Variants in CD37 observed in about 807,000 individuals in gnomAD.
CD37 encodes the protein leukocyte antigen CD37.
Under a neutral mutation model 38.9 loss-of-function variants are expected in CD37, and 37 were observed. That is an observed-to-expected ratio of 0.95 (90% CI 0.73 to 1.25). The LOEUF (loss-of-function observed/expected upper bound fraction) is 1.25, where lower values mean the gene tolerates loss of function less well. Ranked by LOEUF, CD37 falls within the 50% of genes most tolerant of loss-of-function variation. The pLI is 0.00. For missense variants in CD37, 351 were observed against 360.1 expected (o/e 0.97, Z 0.20); for synonymous variants, 146 against 150.1 (o/e 0.97, Z 0.20).
Position 49,339,320 on chromosome 19 carries a change from C to T in CD37, c.685-10C>T, listed in dbSNP as rs1011347072. 1 of 1,612,066 alleles carries T rather than the reference C, an allele frequency of 6.2e-7. No individual in the cohort carries two copies. The highest frequency in any genetic ancestry group is 1.3e-5 in the African/African-American group (1 of 74,834). Reference sequence around the variant, plus strand: ...AAAGAATCCCTTTAACTTTTCCCTACACCCCCCAGGGCTGCGCGCAGGGCC... The same window carrying T: ...AAAGAATCCCTTTAACTTTTCCCTATACCCCCCAGGGCTGCGCGCAGGGCC... On this transcript the variant is annotated splice_polypyrimidine_tract_variant and intron_variant, in intron 6 of 7. Transcript: ENST00000323906. This position sits in a 1 kb window ranked among gnomAD's most constrained non-coding sequence, Gnocchi z 4.5.
In CD37 at chr19:49,339,569, G is replaced by T; in HGVS notation, c.768+156G>T. 1 of 1,456,286 alleles carries T rather than the reference G, an allele frequency of 6.9e-7. No homozygotes were observed. 90.2% of individuals were successfully genotyped at this position (1,456,286 alleles called of 1,614,324 possible). A position where few individuals can be genotyped will look rare whatever the true frequency, so the allele number is the denominator to read the frequency against. ...CGCTCCACCCAGCACCGGAGGGTGG[G>T]GGCGGCCCAGCTTCAGGGAGCCCTG... On this transcript the variant is annotated intron_variant, in intron 7 of 7. Transcript: ENST00000323906. The surrounding 1 kb of genome is among the most constrained non-coding windows in gnomAD (Gnocchi z 4.5).
In CD37 at chr19:49,337,985, G is replaced by C; in HGVS notation, c.403G>C (p.Glu135Gln). 1 of 1,614,048 alleles carries C rather than the reference G, an allele frequency of 6.2e-7. No individual in the cohort carries two copies. Among genetic ancestry groups the C allele is most frequent in the Non-Finnish European group, 8.5e-7 (1 of 1,179,976 alleles). The change falls in exon 5 of 8, where the codon GAG becomes CAG. Residue 135 changes from glutamate (E) to glutamine (Q), a missense_variant. Physicochemically the swap from Glu to Gln is conservative, Grantham distance 29. Coordinates refer to ENST00000323906, the MANE Select transcript of CD37 (RefSeq NM_001774.3). ...CATCCAAAAGTACGGCACCAACCCCGAGGAGACCGCGGCCGAGGAGAGCTG... is the reference window on the plus strand; with the variant it reads ...CATCCAAAAGTACGGCACCAACCCCCAGGAGACCGCGGCCGAGGAGAGCTG... Reference protein sequence around the residue: ...KTIQKYGTNPEETAAEESWDY... With the variant: ...KTIQKYGTNPQETAAEESWDY...
chr19:49,337,019 T>G lies in CD37; in HGVS notation c.253T>G (p.Cys85Gly). 6.2e-7 allele frequency: 1 copy of G among 1,613,466 alleles called. No homozygotes were observed. Among genetic ancestry groups the G allele is most frequent in the Non-Finnish European group, 8.5e-7 (1 of 1,179,582 alleles). ...TGTGGGGGCCCTCAAGGAGCTCCGC[T>G]GCCTCCTGGGCCTGGTGAGTGCACC... Reference protein sequence around the residue: ...GCVGALKELRCLLGLYFGMLL... With the variant: ...GCVGALKELRGLLGLYFGMLL... Residue 85 changes from cysteine to glycine, a missense_variant, in exon 3 of 8, where the codon TGC becomes GGC. Cys to Gly is a radical substitution (Grantham distance 159). Coordinates refer to ENST00000323906, the MANE Select transcript of CD37 (RefSeq NM_001774.3).
rs982565662 is a variant in CD37 at position 49,335,441 on chromosome 19, C to A, written c.-100C>A. 1 of 874,864 alleles carries A rather than the reference C, an allele frequency of 1.1e-6. No individual in the cohort carries two copies. The highest frequency in any genetic ancestry group is 1.4e-5 in the South Asian group (1 of 69,640). The allele number at this position is 874,864 out of a possible 1,614,324, so 54.2% of individuals were successfully genotyped here. A position where few individuals can be genotyped will look rare whatever the true frequency, so the allele number is the denominator to read the frequency against. ...GTTCTTCCTTTCTCTCTCAGCTCTCCGTCTCTCTTTCTCTCTCAGCCTCTT... is the reference window on the plus strand; with the variant it reads ...GTTCTTCCTTTCTCTCTCAGCTCTCAGTCTCTCTTTCTCTCTCAGCCTCTT... On this transcript the variant is annotated 5_prime_UTR_variant, in exon 1 of 8. Transcript: ENST00000323906. This position sits in a 1 kb window ranked among gnomAD's most constrained non-coding sequence, Gnocchi z 4.6.
rs116282919 is a variant in CD37 at position 49,338,159 on chromosome 19, C to T, written c.447+130C>T. ...AACACACCCCAATCCCTCCCAGGCC[C>T]GACGCTCCCCACTCCCCAGATGACA... On this transcript the variant is annotated intron_variant, in intron 5 of 7. Coordinates refer to ENST00000323906, the MANE Select transcript of CD37 (RefSeq NM_001774.3). The surrounding 1 kb of genome is among the most constrained non-coding windows in gnomAD (Gnocchi z 5.0). The T allele has an allele frequency of 5.1e-3, 7,411 of 1,457,850 alleles. 159 individuals are homozygous for T. In the African/African-American group the frequency reaches 0.058, roughly 11 times the overall value. The allele number at this position is 1,457,850 out of a possible 1,614,324, so 90.3% of individuals were successfully genotyped here.
chr19:49,339,956 T>C lies in CD37; in HGVS notation c.769-295T>C, dbSNP rs1568552438. 1 of 1,401,692 alleles carries C rather than the reference T, an allele frequency of 7.1e-7. No individual in the cohort carries two copies. Among genetic ancestry groups the C allele is most frequent in the Non-Finnish European group, 9.3e-7 (1 of 1,078,140 alleles). The allele number at this position is 1,401,692 out of a possible 1,614,324, so 86.8% of individuals were successfully genotyped here. A position where few individuals can be genotyped will look rare whatever the true frequency, so the allele number is the denominator to read the frequency against. ...GGCGCAGAATTAGAGGAGGCACAAT[T>C]AGAGGCTGAGGCAGAGGGGGAAGAC... is the stretch of plus-strand genomic sequence containing the variant. On this transcript the variant is annotated intron_variant, in intron 7 of 7. Coordinates refer to ENST00000323906, the MANE Select transcript of CD37 (RefSeq NM_001774.3). This position sits in a 1 kb window ranked among gnomAD's most constrained non-coding sequence, Gnocchi z 4.5.
At position 49,338,242 on chromosome 19, in the gene CD37, A is replaced by T. The variant is rs895452025; in HGVS notation, c.447+213A>T. On this transcript the variant is annotated intron_variant, in intron 5 of 7. Transcript: ENST00000323906. This position sits in a 1 kb window ranked among gnomAD's most constrained non-coding sequence, Gnocchi z 5.0. Reference sequence around the variant, plus strand: ...ACCCAGACCCTGGCGTGGCTTCGCCATCTACCTCGAGAGACTCCGCCCCCG... The same window carrying T: ...ACCCAGACCCTGGCGTGGCTTCGCCTTCTACCTCGAGAGACTCCGCCCCCG... 1 of 1,351,660 alleles carries T rather than the reference A, an allele frequency of 7.4e-7. No homozygotes were observed. The highest frequency in any genetic ancestry group is 9.6e-7 in the Non-Finnish European group (1 of 1,040,416). 83.7% of individuals were successfully genotyped at this position (1,351,660 alleles called of 1,614,324 possible). A position where few individuals can be genotyped will look rare whatever the true frequency, so the allele number is the denominator to read the frequency against.
At position 49,335,953 on chromosome 19, in the gene CD37, T is replaced by C. The variant is rs765037777; in HGVS notation, c.142+167T>C. ...GGAGCCTGAGTCTTCTTCCGGCAAATGGGGTTGTGCATACAAACAACAATG... is the reference window on the plus strand; with the variant it reads ...GGAGCCTGAGTCTTCTTCCGGCAAACGGGGTTGTGCATACAAACAACAATG... On this transcript the variant is annotated intron_variant, in intron 2 of 7. Transcript: ENST00000323906. This position sits in a 1 kb window ranked among gnomAD's most constrained non-coding sequence, Gnocchi z 4.6. 2.0e-5 allele frequency: 13 copies of C among 652,724 alleles called. No individual in the cohort carries two copies. Among genetic ancestry groups the C allele is most frequent in the African/African-American group, 3.6e-5 (2 of 55,196 alleles). The allele number at this position is 652,724 out of a possible 1,614,324, so 40.4% of individuals were successfully genotyped here.
In CD37 at chr19:49,335,822, CA is replaced by C; in HGVS notation, c.142+38del. 6.5e-7 allele frequency: 1 copy of C among 1,530,054 alleles called. No individual in the cohort carries two copies. Among genetic ancestry groups the C allele is most frequent in the South Asian group, 1.1e-5 (1 of 89,332 alleles). 94.8% of individuals were successfully genotyped at this position (1,530,054 alleles called of 1,614,324 possible). A position where few individuals can be genotyped will look rare whatever the true frequency, so the allele number is the denominator to read the frequency against. On this transcript the variant is annotated intron_variant, in intron 2 of 7. Transcript: ENST00000323906. This position sits in a 1 kb window ranked among gnomAD's most constrained non-coding sequence, Gnocchi z 4.6. ...CTGGGGCAGGTGGGAGGGCCTCCCC[CA>C]ACCCAAGCAACTTCCTGGGGTCTCC... is the stretch of plus-strand genomic sequence containing the variant.
At position 49,335,634 on chromosome 19, in the gene CD37, C is replaced by A. The variant is rs354020; in HGVS notation, c.69+25C>A. 1,220,564 of 1,611,630 alleles carry A rather than the reference C, an allele frequency of 0.76. 463,954 individuals carry two copies. Among genetic ancestry groups the A allele is most frequent in the Admixed American group, 0.84 (50,422 of 60,008 alleles). On this transcript the variant is annotated intron_variant, in intron 1 of 7. Coordinates refer to ENST00000323906, the MANE Select transcript of CD37 (RefSeq NM_001774.3). This position sits in a 1 kb window ranked among gnomAD's most constrained non-coding sequence, Gnocchi z 4.6. ...CGTGAGTTGCCTCATGGCTACCCAG[C>A]CGGGGCCCAGCCCCTGCCGCTAACC...
Position 49,338,841 on chromosome 19 carries a change from A to G in CD37, c.589A>G (p.Ile197Val). The G allele has an allele frequency of 6.2e-7, 1 of 1,614,104 alleles. No homozygotes were observed. The highest frequency in any genetic ancestry group is 1.1e-5 in the South Asian group (1 of 91,084). ...TNDSTILDKVILPQLSRLGHL... is the reference protein window; with the variant it reads ...TNDSTILDKVVLPQLSRLGHL... ...CGACTCCACAATCCTAGATAAGGTGATCTTGCCCCAGCTCAGCAGGCTTGG... is the reference window on the plus strand; with the variant it reads ...CGACTCCACAATCCTAGATAAGGTGGTCTTGCCCCAGCTCAGCAGGCTTGG... The change falls in exon 6 of 8, where the codon ATC becomes GTC. Residue 197 changes from isoleucine (I) to valine (V), a missense_variant. By Grantham distance (29) the Ile-to-Val change is conservative. Transcript: ENST00000323906. The surrounding 1 kb of genome is among the most constrained non-coding windows in gnomAD (Gnocchi z 5.0).
In CD37 at chr19:49,335,773, C is replaced by T. The variant is rs752332036; in HGVS notation, c.129C>T (p.Phe43=). 4 of 1,585,758 alleles carry T rather than the reference C, an allele frequency of 2.5e-6. No homozygotes were observed. Among genetic ancestry groups the T allele is most frequent in the South Asian group, 1.1e-5 (1 of 90,486 alleles). The change falls in exon 2 of 8, where the codon TTC becomes TTT. Residue 43 remains phenylalanine (F), a synonymous_variant. Transcript: ENST00000323906. This position sits in a 1 kb window ranked among gnomAD's most constrained non-coding sequence, Gnocchi z 4.6. ...GGATCCTCATTGACAAGACCAGCTT[C>T]GTGTCCTTTGTGGGTGAGGGGGGCT... is the stretch of plus-strand genomic sequence containing the variant. ...GIWILIDKTS[F]VSFVGLAFVP... is the part of the protein sequence containing the mutation.
rs1971038403 is a variant in CD37, at chr19:49,338,295, C to T, written c.447+266C>T. On this transcript the variant is annotated intron_variant, in intron 5 of 7. Coordinates refer to ENST00000323906, the MANE Select transcript of CD37 (RefSeq NM_001774.3). This position sits in a 1 kb window ranked among gnomAD's most constrained non-coding sequence, Gnocchi z 5.0. ...CCCGCCCCGACCAGAGGTTGTCAGG[C>T]CCCTAGTCCCAAGACCCTAGCGAGA... The T allele has an allele frequency of 2.1e-6, 2 of 940,610 alleles. No individual in the cohort carries two copies. Among genetic ancestry groups the T allele is most frequent in the South Asian group, 1.9e-5 (1 of 52,660 alleles). The allele number at this position is 940,610 out of a possible 1,614,324, so 58.3% of individuals were successfully genotyped here. A position where few individuals can be genotyped will look rare whatever the true frequency, so the allele number is the denominator to read the frequency against.
intron 4 of CD37, 77 bp from the exon 5 acceptor site, chr19:49,337,848 C>A: frequency 6.2e-7 from 1 of 1,603,346 alleles, no homozygotes; most frequent in Non-Finnish European, 8.5e-7. Context: ...ACAGGGCCCG[C>A]CTGAGGCTGG....
rs1971093548 is a variant in CD37, at chr19:49,339,231, A to T, written c.685-99A>T. 9.7e-7 allele frequency: 1 copy of T among 1,032,424 alleles called. No individual in the cohort carries two copies. The highest frequency in any genetic ancestry group is 1.6e-5 in the African/African-American group (1 of 63,066). The allele number at this position is 1,032,424 out of a possible 1,614,324, so 64.0% of individuals were successfully genotyped here. A position where few individuals can be genotyped will look rare whatever the true frequency, so the allele number is the denominator to read the frequency against. ...TGCCCTGGTGACTAGGGGAGCGGGT[A>T]GATGCCTGAAGACGGTGAGGGTTGG... On this transcript the variant is annotated intron_variant, in intron 6 of 7. Transcript: ENST00000323906. The surrounding 1 kb of genome is among the most constrained non-coding windows in gnomAD (Gnocchi z 4.5).
intron 2 of CD37, chr19:49,336,013 G>C (rs983218753): frequency 2.4e-5 from 14 of 578,078 alleles, no homozygotes; most frequent in African/African-American, 3.7e-5. Context: ...CTTCCTATCT[G>C]TCGGGACTTG....
At position 49,340,453 on chromosome 19, in the gene CD37, A is replaced by G. The variant is rs574373289; in HGVS notation, c.*125A>G. 1.3e-6 allele frequency: 1 copy of G among 741,946 alleles called. No homozygotes were observed. Among genetic ancestry groups the G allele is most frequent in the Non-Finnish European group, 2.4e-6 (1 of 421,812 alleles). The allele number at this position is 741,946 out of a possible 1,614,324, so 46.0% of individuals were successfully genotyped here. On this transcript the variant is annotated 3_prime_UTR_variant, in exon 8 of 8. Transcript: ENST00000323906. ...CCTCCGCCTTCACATTCCCCTGGGG[A>G]CCCACGTGGCTGCGTGCCCCTGCTG... is the stretch of plus-strand genomic sequence containing the variant.
chr19:49,335,646 C>A lies in CD37; in HGVS notation c.69+37C>A. The A allele has an allele frequency of 1.2e-6, 2 of 1,610,152 alleles. No individual in the cohort carries two copies. The highest frequency in any genetic ancestry group is 1.7e-6 in the Non-Finnish European group (2 of 1,176,920). ...CATGGCTACCCAGCCGGGGCCCAGC[C>A]CCTGCCGCTAACCCAGCCCTCATCT... On this transcript the variant is annotated intron_variant, in intron 1 of 7. Coordinates refer to ENST00000323906, the MANE Select transcript of CD37 (RefSeq NM_001774.3). The surrounding 1 kb of genome is among the most constrained non-coding windows in gnomAD (Gnocchi z 4.6).
chr19:49,338,736 T>C lies in CD37; in HGVS notation c.484T>C (p.Phe162Leu). 6.2e-7 allele frequency: 1 copy of C among 1,612,878 alleles called. No individual in the cohort carries two copies. The highest frequency in any genetic ancestry group is 1.1e-5 in the South Asian group (1 of 91,064). ...CCGWHYPQDW[F>L]QVLILRGNGS... ...CGGCTGGCACTACCCGCAGGACTGGTTCCAAGTCCTCATCCTGAGAGGTAA... is the reference window on the plus strand; with the variant it reads ...CGGCTGGCACTACCCGCAGGACTGGCTCCAAGTCCTCATCCTGAGAGGTAA... The change falls in exon 6 of 8, where the codon TTC (phenylalanine) becomes CTC (leucine). Residue 162 changes from phenylalanine (F) to leucine (L), a missense_variant. Transcript: ENST00000323906. The surrounding 1 kb of genome is among the most constrained non-coding windows in gnomAD (Gnocchi z 5.0).
Sources: allele counts gnomAD v4.1 joint callset, GRCh38; gene constraint gnomAD v4.1.1; non-coding constraint Gnocchi (gnomAD v3.1); transcripts MANE v1.5; gene names NCBI Gene and HGNC (gene_info 2026-07-23, HGNC 2026-07-21).